FLNB: variants seen among roughly 807,000 people sequenced by gnomAD.
FLNB encodes the protein filamin B.
FLNB carries 111 observed loss-of-function variants against 250.6 expected under a neutral mutation model. The ratio of observed to expected loss-of-function variants is 0.44; its 90% CI spans 0.38 to 0.52. The LOEUF (loss-of-function observed/expected upper bound fraction) is 0.52, where lower values mean the gene tolerates loss of function less well. Ranked by LOEUF, FLNB falls within the 20% of genes least tolerant of loss-of-function variation. The pLI is 0.00. For missense variants in FLNB, 2,869 were observed against 3,447.8 expected (o/e 0.83, Z 4.20); for synonymous variants, 1,302 against 1,372.1 (o/e 0.95, Z 1.13).
At chr3:58,060,297 G>T (rs1180357996) in intron 1 of FLNB, among the ~76,000 whole-genome samples, 4 of 151,360 alleles carry the variant, frequency 2.6e-5, no homozygotes, top group Non-Finnish European at 5.9e-5. Flanking sequence ...CGGGAGCATT[G>T]TTTGAGCCCG....
intron 39 of FLNB, among the ~76,000 whole-genome samples, chr3:58,154,066 T>C (rs2097349544): frequency 6.6e-6 from 1 of 152,184 alleles, no homozygotes; most frequent in Non-Finnish European, 1.5e-5. Context: ...TTCTCTGGCT[T>C]GGTTAAGGTG....
intron 43 of FLNB, among the ~76,000 whole-genome samples, chr3:58,167,085 G>T (rs972831033): frequency 4.6e-5 from 7 of 152,174 alleles, no homozygotes; most frequent in Non-Finnish European, 8.8e-5. Context: ...CCAAGATCAT[G>T]GTACTGCACT....
Position 58,150,007 on chromosome 3 carries a change from G to C in FLNB, c.6244+5G>C. 12 of 1,614,268 alleles carry C rather than the reference G, an allele frequency of 7.4e-6. No individual in the cohort carries two copies. The highest frequency in any genetic ancestry group is 1.0e-5 in the Non-Finnish European group (12 of 1,180,056). The stretch of plus-strand genomic sequence containing the variant: ...TCGCTGACGAGCACGTGCCTGGTAT[G>C]TGCATTCCATTCCCCTCCAGGTGGG... On this transcript the variant is annotated splice_donor_5th_base_variant and intron_variant, in intron 37 of 45. Transcript: ENST00000295956.
At chr3:58,137,265 T>C (rs1340367395) in intron 28 of FLNB, among the ~76,000 whole-genome samples, 1 of 152,162 alleles carries the variant, frequency 6.6e-6, no homozygotes, top group African/African-American at 2.4e-5. Context: ...GGCTCACCCA[T>C]GGCAAAAAAT....
At position 58,105,170 on chromosome 3, in the gene FLNB, A is replaced by G; in HGVS notation, c.1701A>G (p.Ser567=). 1 of 1,614,230 alleles carries G rather than the reference A, an allele frequency of 6.2e-7. No individual in the cohort carries two copies. Among genetic ancestry groups the G allele is most frequent in the South Asian group, 1.1e-5 (1 of 91,082 alleles). Residue 567 remains serine, a synonymous_variant, in exon 11 of 46, where the codon TCA becomes TCG. Transcript: ENST00000295956. ...PGLHGGIVGR[S]ADFVVESIGS... Reference sequence around the variant, plus strand: ...TCCATGGTGGGATTGTCGGGCGGTCAGCGGACTTCGTGGTAGAATCCATTG... The same window carrying G: ...TCCATGGTGGGATTGTCGGGCGGTCGGCGGACTTCGTGGTAGAATCCATTG...
chr3:58,163,280 A>G lies in FLNB; in HGVS notation c.7148A>G (p.Asn2383Ser). ...GTTGGGGAGCCTGGACAAGCGGGGA[A>G]CCCTGCCCTGGTGTCCGCCTATGGC... is the stretch of plus-strand genomic sequence containing the variant. ...VRVGEPGQAGNPALVSAYGTG... is the reference protein window; with the variant it reads ...VRVGEPGQAGSPALVSAYGTG... The change falls in exon 43 of 46, where the codon AAC becomes AGC. Residue 2383 changes from asparagine (N) to serine (S), a missense_variant. This residue lies in a region of FLNB where 1,084 missense variants were observed against 1,315.5 expected (regional missense o/e 0.82). Transcript: ENST00000295956. 4 of 1,614,136 alleles carry G rather than the reference A, an allele frequency of 2.5e-6. No homozygotes were observed. The highest frequency in any genetic ancestry group is 3.4e-6 in the Non-Finnish European group (4 of 1,180,028).
intron 4 of FLNB, among the ~76,000 whole-genome samples, chr3:58,088,575 T>G (rs1231425011): frequency 6.6e-6 from 1 of 152,166 alleles, no homozygotes; most frequent in Non-Finnish European, 1.5e-5. Context: ...TTGGGTTTAC[T>G]TTGCTTTATA....
intron 1 of FLNB, among the ~76,000 whole-genome samples, chr3:58,032,796 G>A (rs181389631): frequency 1.6e-4 from 24 of 152,222 alleles, no homozygotes; most frequent in Middle Eastern, 3.4e-3. Context: ...GGCTGGGTGT[G>A]GTAGCTCATG....
chr3:58,009,366 G>A (rs2097095037), intron 1 of FLNB, among the ~76,000 whole-genome samples: 1 of 152,152 alleles, frequency 6.6e-6, no homozygotes, highest in Non-Finnish European at 1.5e-5. Context: ...CTGCCCAGGT[G>A]GAGACAGAGA....
At chr3:58,050,701 G>A (rs932724475) in intron 1 of FLNB, among the ~76,000 whole-genome samples, 15 of 152,184 alleles carry the variant, frequency 9.9e-5, no homozygotes, top group African/African-American at 3.6e-4. Context: ...GACATTCAAT[G>A]TCAGATTAGA....
intron 15 of FLNB, 81 bp from the exon 16 acceptor site, chr3:58,109,928 AG>A: frequency 6.4e-7 from 1 of 1,561,200 alleles, no homozygotes; most frequent in Admixed American, 1.7e-5. Flanking sequence ...TTGCTTTTTG[AG>A]GGTGTTAACC....
At chr3:58,105,480 T>C (rs1372488430) in intron 11 of FLNB, among the ~76,000 whole-genome samples, 2 of 152,234 alleles carry the variant, frequency 1.3e-5, no homozygotes, top group African/African-American at 4.8e-5. Flanking sequence ...AGTAAACACT[T>C]AGCAAATAGT....
rs954022382 is a variant in FLNB at position 58,132,854 on chromosome 3, C to T, written c.4437C>T (p.His1479=). 1.1e-5 allele frequency: 17 copies of T among 1,614,124 alleles called. No individual in the cohort carries two copies. The highest frequency in any genetic ancestry group is 1.3e-5 in the African/African-American group (1 of 75,036). The change falls in exon 26 of 46, where the codon CAC becomes CAT. Residue 1479 remains histidine, a synonymous_variant. Transcript: ENST00000295956. ...VNVVDNGDGT[H]TVTYTPSQEG... ...TGGTGGACAATGGAGATGGCACACA[C>T]ACAGTAACCTACACCCCATCTCAGG...
intron 31 of FLNB, 147 bp from the exon 32 acceptor site, chr3:58,143,326 C>G: frequency 1.2e-6 from 1 of 807,488 alleles, no homozygotes; most frequent in East Asian, 2.7e-5. Context: ...AATGGTCTCT[C>G]CCATTGTGGG....
At chr3:58,016,042 C>G (rs765707055) in intron 1 of FLNB, among the ~76,000 whole-genome samples, 88 of 151,690 alleles carry the variant, frequency 5.8e-4, no homozygotes, top group South Asian at 1.9e-3. Flanking sequence ...GGGGTATGCT[C>G]CTTGAGTTTG....
chr3:58,102,219 C>T lies in FLNB; in HGVS notation c.1362C>T (p.Ala454=). The part of the protein sequence containing the change: ...VQVGEACNPN[A]CRASGRGLQP... ...TGCTTGCAGCCTGCAATCCAAATGC[C>T]TGCCGGGCCAGTGGCCGAGGCCTAC... The change falls in exon 9 of 46, where the codon GCC becomes GCT. Residue 454 remains alanine (A), a synonymous_variant. Transcript: ENST00000295956. The T allele has an allele frequency of 6.2e-7, 1 of 1,614,228 alleles. No homozygotes were observed. The highest frequency in any genetic ancestry group is 1.3e-5 in the African/African-American group (1 of 75,064).
chr3:58,076,965 C>A (rs1363903474), intron 1 of FLNB, 81 bp from the exon 2 acceptor site: 2 of 1,480,548 alleles, frequency 1.4e-6, no homozygotes, highest in African/African-American at 2.8e-5. Context: ...TAGTTGAAGA[C>A]TCCATTTACA....
chr3:58,168,312 G>A, intron 43 of FLNB, 128 bp from the exon 44 acceptor site: 1 of 765,164 alleles, frequency 1.3e-6, no homozygotes, highest in Non-Finnish European at 2.3e-6. Context: ...GCTAGTGCCA[G>A]TGGGTTCCCA....
intron 8 of FLNB, among the ~76,000 whole-genome samples, chr3:58,100,589 C>CTT (rs147921421): frequency 0.013 from 1,566 of 124,882 alleles, 65 homozygotes; most frequent in African/African-American, 0.045. Context: ...TTTTCTTTTT[C>CTT]TTTTTTTTTT....
Sources: allele counts gnomAD v4.1 joint callset (sites outside exome capture counted in the v4.1 genomes callset), GRCh38; gene constraint gnomAD v4.1.1; regional missense constraint gnomAD v4.1.1; transcripts MANE v1.5; gene names NCBI Gene and HGNC (gene_info 2026-07-23, HGNC 2026-07-21).